CNGA1: variants seen among roughly 807,000 people sequenced by gnomAD.
The protein encoded by CNGA1 is cyclic nucleotide gated channel subunit alpha 1, also known as cyclic nucleotide-gated channel alpha-1.
In CNGA1, 53 loss-of-function variants were observed where a neutral mutation model predicts 69.7. That is an observed-to-expected ratio of 0.76 (90% CI 0.61 to 0.96). The LOEUF (loss-of-function observed/expected upper bound fraction) is 0.96, where lower values mean the gene tolerates loss of function less well. Among genes scored for constraint, CNGA1 ranks in the 40% least tolerant of loss-of-function variants. CNGA1 has a pLI of 0.00. For missense variants in CNGA1, 739 were observed against 811.2 expected (o/e 0.91, Z 1.08); for synonymous variants, 249 against 283.5 (o/e 0.88, Z 1.22).
chr4:47,937,822 T>G lies in CNGA1; in HGVS notation c.660A>C (p.Leu220=). The G allele has an allele frequency of 6.2e-7, 1 of 1,606,052 alleles. No homozygotes were observed. The highest frequency in any genetic ancestry group is 8.5e-7 in the Non-Finnish European group (1 of 1,173,116). Residue 220 remains leucine, a synonymous_variant, in exon 11 of 11, where the codon CTA becomes CTC. Transcript: ENST00000514170. ...CTTCCTTTACCAGCAGTCCTTGTTC[T>G]AGGTAACCTAAAATAGAAAATAAAA... The part of the protein sequence containing the change: ...DMFVRTRTGY[L]EQGLLVKEEL...
At chr4:48,014,125 CAGA>C (rs1404135979) in intron 1 of CNGA1, among the ~76,000 whole-genome samples, 1 of 152,138 alleles carries the variant, frequency 6.6e-6, no homozygotes. Context: ...ATTTTTGAGT[CAGA>C]AGAGTAATTT....
At chr4:47,987,587 T>G (rs532676542) in intron 2 of CNGA1, among the ~76,000 whole-genome samples, 2 of 152,296 alleles carry the variant, frequency 1.3e-5, no homozygotes, top group East Asian at 3.9e-4. Flanking sequence ...TTCTAAGCAT[T>G]GCAGAGTCAA....
chr4:47,957,506 G>C (rs1190713497), intron 3 of CNGA1, among the ~76,000 whole-genome samples: 1 of 152,122 alleles, frequency 6.6e-6, no homozygotes, highest in East Asian at 1.9e-4. Flanking sequence ...TGTAGTCCCA[G>C]CTACTTGGCA....
At chr4:47,965,322 TGCTCTCATAGAAATA>T in intron 3 of CNGA1, among the ~76,000 whole-genome samples, 1 of 152,332 alleles carries the variant, frequency 6.6e-6, no homozygotes, top group East Asian at 1.9e-4. Context: ...AAGTCTCCTT[TGCTCTCATAGAAATA>T]ATCATATTTT....
chr4:47,944,255 A>G (rs956615347), intron 6 of CNGA1, among the ~76,000 whole-genome samples: 14 of 152,148 alleles, frequency 9.2e-5, no homozygotes, highest in African/African-American at 4.8e-5. Flanking sequence ...TCTAAGTGCA[A>G]TGGACTCAAT....
At chr4:48,014,977 G>A (rs1183804898) in intron 1 of CNGA1, among the ~76,000 whole-genome samples, 2 of 151,944 alleles carry the variant, frequency 1.3e-5, no homozygotes, top group African/African-American at 4.8e-5. Flanking sequence ...TTGAGAGCAT[G>A]CTGGTTAACA....
intron 10 of CNGA1, 25 bp from the exon 11 acceptor site, chr4:47,937,854 C>A: frequency 1.9e-6 from 3 of 1,546,482 alleles, no homozygotes; most frequent in South Asian, 2.2e-5. Flanking sequence ...AAAATCAATT[C>A]AGTGTTTCTC....
chr4:47,968,336 T>A (rs1015673656), intron 3 of CNGA1, among the ~76,000 whole-genome samples: 17 of 152,182 alleles, frequency 1.1e-4, no homozygotes, highest in Admixed American at 2.6e-4. Context: ...TTTTTTTTAA[T>A]CTTTTTCAGC....
At chr4:47,954,450 TC>T (rs1323902596) in intron 3 of CNGA1, among the ~76,000 whole-genome samples, 4 of 151,888 alleles carry the variant, frequency 2.6e-5, no homozygotes, top group East Asian at 1.9e-4. Context: ...GTCTGCGTGC[TC>T]CCCCTTCCCT....
At chr4:48,004,656 G>A (rs1182901348) in intron 2 of CNGA1, among the ~76,000 whole-genome samples, 1 of 152,134 alleles carries the variant, frequency 6.6e-6, no homozygotes, top group Non-Finnish European at 1.5e-5. Context: ...AGGAGGAAGG[G>A]AGAAAAACAA....
At chr4:47,977,046 A>C (rs4695318) in intron 3 of CNGA1, among the ~76,000 whole-genome samples, 80,578 of 152,074 alleles carry the variant, frequency 0.53, 23,091 homozygotes, top group Non-Finnish European at 0.64. Context: ...CAGAGGAAAC[A>C]GCATGTGTAA....
chr4:47,978,206 T>C (rs1011240640), intron 3 of CNGA1, among the ~76,000 whole-genome samples: 6 of 152,188 alleles, frequency 3.9e-5, no homozygotes, highest in Non-Finnish European at 7.3e-5. Flanking sequence ...CAGTTGCCTT[T>C]AGAATAATTT....
chr4:47,955,437 C>A (rs1377744793), intron 3 of CNGA1, among the ~76,000 whole-genome samples: 3 of 152,228 alleles, frequency 2.0e-5, no homozygotes, highest in African/African-American at 4.8e-5. Flanking sequence ...CCCCCTTCAG[C>A]CTCTCAAAGT....
At chr4:47,999,019 C>T (rs534877432) in intron 2 of CNGA1, among the ~76,000 whole-genome samples, 3 of 152,310 alleles carry the variant, frequency 2.0e-5, no homozygotes, top group East Asian at 3.9e-4. Flanking sequence ...TGCTATTTCA[C>T]AATGCCAAGT....
intron 5 of CNGA1, among the ~76,000 whole-genome samples, chr4:47,950,479 G>A (rs2110155865): frequency 6.6e-6 from 1 of 152,204 alleles, no homozygotes; most frequent in African/African-American, 2.4e-5. Context: ...TATGAAAATG[G>A]ACATGGTTAG....
intron 2 of CNGA1, among the ~76,000 whole-genome samples, chr4:47,988,800 T>C (rs2110230285): frequency 6.6e-6 from 1 of 152,240 alleles, no homozygotes; most frequent in Admixed American, 6.6e-5. Flanking sequence ...CTATTAACTC[T>C]TCCTCATTAA....
intron 2 of CNGA1, among the ~76,000 whole-genome samples, chr4:48,004,573 A>G (rs1489485231): frequency 1.3e-5 from 2 of 152,188 alleles, no homozygotes; most frequent in African/African-American, 4.8e-5. Context: ...CTAGATGGGT[A>G]GGTCCCAAGT....
In CNGA1 at chr4:47,936,433, G is replaced by A. The variant is rs369407883; in HGVS notation, c.2049C>T (p.Ile683=). 5.0e-6 allele frequency: 8 copies of A among 1,613,970 alleles called. No homozygotes were observed. In the Admixed American group the frequency reaches 1.0e-4, roughly 20 times the overall value. ...CAGCTTTTCGGTTCTATGTAGAGTC[G>A]ATGGGCCCACTTTCCGCTCCAGGTC... ...IEGPGAESGP[I]DST Residue 683 remains isoleucine, a synonymous_variant, in exon 11 of 11, where the codon ATC becomes ATT. Coordinates refer to ENST00000514170, the MANE Select transcript of CNGA1 (RefSeq NM_001379270.1).
intron 2 of CNGA1, among the ~76,000 whole-genome samples, chr4:48,004,323 G>A (rs7681326): frequency 0.016 from 2,385 of 151,910 alleles, 62 homozygotes; most frequent in African/African-American, 0.054. Context: ...GGCCACTACC[G>A]GTCTCCGCGT....
Sources: allele counts gnomAD v4.1 joint callset (sites outside exome capture counted in the v4.1 genomes callset), GRCh38; gene constraint gnomAD v4.1.1; transcripts MANE v1.5; gene names NCBI Gene and HGNC (gene_info 2026-07-23, HGNC 2026-07-21).